The following MCTP1 variants were observed in gnomAD, a reference collection of about 807,000 sequenced individuals.
The protein encoded by MCTP1 is multiple C2 and transmembrane domain-containing protein 1.
In MCTP1, 69 loss-of-function variants were observed where a neutral mutation model predicts 120.6. That is an observed-to-expected ratio of 0.57 (90% CI 0.47 to 0.70). The LOEUF (loss-of-function observed/expected upper bound fraction) is 0.70, where lower values mean the gene tolerates loss of function less well. MCTP1 is among the 30% of genes least tolerant of loss of function. MCTP1 has a pLI of 0.00. For missense variants in MCTP1, 1,203 were observed against 1,248.8 expected, an observed-to-expected ratio of 0.96 and a Z score of 0.55; for synonymous variants, 529 against 493.1, an observed-to-expected ratio of 1.07 and a Z score of -0.96.
intron 2 of MCTP1, among the ~76,000 whole-genome samples, chr5:95,012,857 C>CT (rs1451717145): frequency 6.6e-6 from 1 of 152,060 alleles, no homozygotes; most frequent in African/African-American, 2.4e-5. Context: ...ACAATGGACT[C>CT]TAAGTATTCA....
chr5:95,232,158 TAAAA>T (rs35731165), intron 1 of MCTP1, among the ~76,000 whole-genome samples: 1 of 66,984 alleles, frequency 1.5e-5, no homozygotes, highest in Non-Finnish European at 3.0e-5. Flanking sequence ...AAGTGATCAC[TAAAA>T]AAAAAAAAAA....
intron 17 of MCTP1, among the ~76,000 whole-genome samples, chr5:94,844,559 C>T (rs1425967669): frequency 1.3e-5 from 2 of 152,026 alleles, no homozygotes; most frequent in African/African-American, 4.8e-5. Flanking sequence ...CCTTTAAGAG[C>T]CTGCTTTTCT....
intron 2 of MCTP1, among the ~76,000 whole-genome samples, chr5:94,954,187 T>TATATACATATATATATGC (rs1263741373): frequency 7.6e-6 from 1 of 131,112 alleles, no homozygotes; most frequent in Non-Finnish European, 1.6e-5. Context: ...TATATGCATA[T>TATATACATATATATATGC]ATATATATAT....
At chr5:95,244,848 A>G (rs944608190) in intron 1 of MCTP1, among the ~76,000 whole-genome samples, 3 of 152,192 alleles carry the variant, frequency 2.0e-5, no homozygotes, top group African/African-American at 4.8e-5. Flanking sequence ...TTCTCTCAGC[A>G]TGGCGTTTGA....
At chr5:95,257,796 T>TACACATACACACAC (rs1554239324) in intron 1 of MCTP1, among the ~76,000 whole-genome samples, 4 of 125,366 alleles carry the variant, frequency 3.2e-5, no homozygotes, top group Non-Finnish European at 5.0e-5. Context: ...CCAGAAAACA[T>TACACATACACACAC]ACACACACAC....
intron 10 of MCTP1, among the ~76,000 whole-genome samples, chr5:94,902,047 A>G (rs1581256747): frequency 6.6e-6 from 1 of 152,158 alleles, no homozygotes; most frequent in East Asian, 1.9e-4. Flanking sequence ...TTTGGGGCTC[A>G]CTCGCCTTTC....
At chr5:94,720,067 G>A (rs1240642189) in intron 19 of MCTP1, among the ~76,000 whole-genome samples, 1 of 151,710 alleles carries the variant, frequency 6.6e-6, no homozygotes, top group Admixed American at 6.6e-5. Flanking sequence ...CAGAGGTTGC[G>A]GTGAGCTGAG....
At chr5:95,013,270 A>T (rs1396450616) in intron 2 of MCTP1, among the ~76,000 whole-genome samples, 1 of 152,154 alleles carries the variant, frequency 6.6e-6, no homozygotes, top group Non-Finnish European at 1.5e-5. Flanking sequence ...GAAAGAAGCC[A>T]TCTCTATGAC....
intron 19 of MCTP1, among the ~76,000 whole-genome samples, chr5:94,757,492 C>T (rs1189551170): frequency 1.3e-5 from 2 of 152,086 alleles, no homozygotes; most frequent in African/African-American, 2.4e-5. Flanking sequence ...TGGTAGAAAT[C>T]CATTAGCCAT....
At chr5:94,910,665 C>A (rs1203314993) in intron 9 of MCTP1, among the ~76,000 whole-genome samples, 1 of 151,816 alleles carries the variant, frequency 6.6e-6, no homozygotes, top group African/African-American at 2.4e-5. Context: ...ATATTTCATA[C>A]CTAAAGAGCA....
chr5:94,940,004 T>TA (rs1371571779), intron 5 of MCTP1, 80 bp downstream of exon 5: 3 of 738,852 alleles, frequency 4.1e-6, no homozygotes, highest in Non-Finnish European at 6.6e-6. Context: ...AGCTTCTCTT[T>TA]ATTATCATCT....
At chr5:95,165,069 A>T (rs1272262637) in intron 1 of MCTP1, among the ~76,000 whole-genome samples, 1 of 152,230 alleles carries the variant, frequency 6.6e-6, no homozygotes, top group Admixed American at 6.5e-5. Context: ...GGTGAGAAGC[A>T]GTCACATGGC....
chr5:94,830,782 C>T (rs911246909), intron 17 of MCTP1, among the ~76,000 whole-genome samples: 1 of 152,092 alleles, frequency 6.6e-6, no homozygotes, highest in Non-Finnish European at 1.5e-5. Context: ...GATTTCTAAA[C>T]ACAGACAAGA....
intron 17 of MCTP1, among the ~76,000 whole-genome samples, chr5:94,844,067 C>A (rs1791717239): frequency 6.6e-6 from 1 of 152,038 alleles, no homozygotes; most frequent in South Asian, 2.1e-4. Context: ...CTTTGGGAGG[C>A]AGAGGCGGAT....
chr5:94,752,009 A>G (rs571863463), intron 19 of MCTP1, among the ~76,000 whole-genome samples: 7 of 149,296 alleles, frequency 4.7e-5, no homozygotes, highest in South Asian at 2.1e-4. Flanking sequence ...CCTAATGCTA[A>G]ATGACGAGTT....
intron 1 of MCTP1, among the ~76,000 whole-genome samples, chr5:95,246,006 A>C (rs1269239771): frequency 9.1e-6 from 1 of 109,900 alleles, no homozygotes; most frequent in Non-Finnish European, 2.2e-5. Flanking sequence ...ACAAGCCAGA[A>C]GAGTGGGAGC....
rs1749067994 is a variant in MCTP1 at position 95,061,408 on chromosome 5, G to GTTGTTTTTTTTTTTTTTTTT, written c.721-43925_721-43924insAAAAAAAAAAAAAAAAACAA. Among the ~76,000 whole-genome samples the GTTGTTTTTTTTTTTTTTTTT allele has an allele frequency of 4.2e-4, 14 of 33,488 alleles. 3 individuals are homozygous for GTTGTTTTTTTTTTTTTTTTT. Among genetic ancestry groups the GTTGTTTTTTTTTTTTTTTTT allele is most frequent in the Non-Finnish European group, 7.5e-4 (12 of 16,076 alleles). The allele number at this position is 33,488 out of a possible 152,430, so 22.0% of individuals were successfully genotyped here. ...ATCAATTTTCACAAACCCCTTAAGGGTTTTTTTTTTTTTTTTTTTTTTTTT... is the reference window on the plus strand; with the variant it reads ...ATCAATTTTCACAAACCCCTTAAGGGTTGTTTTTTTTTTTTTTTTTTTTTTTTTTTTTTTTTTTTTTTTTT... On this transcript the variant is annotated intron_variant, in intron 1 of 22. Coordinates refer to ENST00000515393, the MANE Select transcript of MCTP1 (RefSeq NM_024717.7).
chr5:95,227,783 T>G (rs1678407917), intron 1 of MCTP1, among the ~76,000 whole-genome samples: 1 of 152,194 alleles, frequency 6.6e-6, no homozygotes, highest in Admixed American at 6.5e-5. Context: ...CATTATGAAT[T>G]AACAAATTGT....
intron 2 of MCTP1, among the ~76,000 whole-genome samples, chr5:94,970,361 T>C (rs1452905957): frequency 6.6e-6 from 1 of 152,086 alleles, no homozygotes; most frequent in African/African-American, 2.4e-5. Flanking sequence ...TATGTATGGA[T>C]GTATTTGGGA....
Sources: allele counts gnomAD v4.1 joint callset (sites outside exome capture counted in the v4.1 genomes callset), GRCh38; gene constraint gnomAD v4.1.1; transcripts MANE v1.5; gene names NCBI Gene and HGNC (gene_info 2026-07-23, HGNC 2026-07-21).